The following CACHD1 variants were observed in gnomAD, a reference collection of about 807,000 sequenced individuals.
The protein encoded by CACHD1 is VWFA and cache domain-containing protein 1.
In CACHD1, 71 loss-of-function variants were observed where a neutral mutation model predicts 138.7. That is an observed-to-expected ratio of 0.51 (90% CI 0.42 to 0.62). The LOEUF is 0.62. Among genes scored for constraint, CACHD1 ranks in the 20% least tolerant of loss-of-function variants. The probability of loss-of-function intolerance (pLI) is 0.00; values close to 1 mark genes in which losing one functional copy is unlikely to be tolerated. For synonymous variants in CACHD1, 578 were observed against 591.5 expected, an observed-to-expected ratio of 0.98 and a Z score of 0.33; for missense variants, 1,389 against 1,625.3, an observed-to-expected ratio of 0.85 and a Z score of 2.50.
intron 2 of CACHD1, among the ~76,000 whole-genome samples, chr1:64,579,398 G>A (rs1315454002): frequency 6.6e-6 from 1 of 152,140 alleles, no homozygotes; most frequent in Non-Finnish European, 1.5e-5. Flanking sequence ...GAGTGTGTGT[G>A]TGAGAGAGAA....
At chr1:64,487,760 G>C (rs947564318) in intron 1 of CACHD1, among the ~76,000 whole-genome samples, 6 of 152,162 alleles carry the variant, frequency 3.9e-5, no homozygotes, top group African/African-American at 9.7e-5. Flanking sequence ...TAATTCATTT[G>C]GTTAGTAGAA....
intron 1 of CACHD1, among the ~76,000 whole-genome samples, chr1:64,475,171 CTTTTTTTTT>C (rs3078373): frequency 3.2e-5 from 4 of 124,286 alleles, no homozygotes; most frequent in African/African-American, 5.7e-5. Flanking sequence ...AAATTCCTTC[CTTTTTTTTT>C]TTTTTTTTTT....
intron 8 of CACHD1, among the ~76,000 whole-genome samples, chr1:64,643,036 T>TAAAAAAAAAAAAAAA (rs139320316): frequency 3.0e-5 from 1 of 33,356 alleles, no homozygotes; most frequent in African/African-American, 8.1e-5. Flanking sequence ...AGACTCTGTC[T>TAAAAAAAAAAAAAAA]AAAAAAAAAA....
At chr1:64,606,398 T>G (rs1479495161) in intron 4 of CACHD1, among the ~76,000 whole-genome samples, 1 of 152,008 alleles carries the variant, frequency 6.6e-6, no homozygotes, top group South Asian at 2.1e-4. Context: ...TGAGTGACTG[T>G]TTGGTGTGCT....
intron 1 of CACHD1, among the ~76,000 whole-genome samples, chr1:64,508,894 C>G (rs1646397443): frequency 6.6e-6 from 1 of 152,150 alleles, no homozygotes; most frequent in East Asian, 1.9e-4. Context: ...CCAGGGCTCC[C>G]AGGCATTTTC....
intron 2 of CACHD1, among the ~76,000 whole-genome samples, chr1:64,569,218 G>A (rs1313764361): frequency 2.0e-5 from 3 of 152,072 alleles, no homozygotes; most frequent in Non-Finnish European, 4.4e-5. Context: ...ACCACGCCCA[G>A]CCTTATGCAC....
chr1:64,665,090 T>A (rs1475141175), intron 15 of CACHD1, among the ~76,000 whole-genome samples: 3 of 152,172 alleles, frequency 2.0e-5, no homozygotes, highest in Non-Finnish European at 2.9e-5. Flanking sequence ...GCTTTTTTTT[T>A]ACTTTAATTT....
chr1:64,542,863 G>A (rs1294271598), intron 1 of CACHD1, among the ~76,000 whole-genome samples: 9 of 152,058 alleles, frequency 5.9e-5, no homozygotes, highest in African/African-American at 1.7e-4. Context: ...TGTAAAATGA[G>A]GATGTAGTTA....
chr1:64,493,990 A>T (rs1388469766), intron 1 of CACHD1, among the ~76,000 whole-genome samples: 1 of 152,230 alleles, frequency 6.6e-6, no homozygotes, highest in Non-Finnish European at 1.5e-5. Context: ...ACCGAATGGC[A>T]GAGCTGGGAA....
intron 2 of CACHD1, 68 bp from the exon 3 acceptor site, chr1:64,582,088 A>C: frequency 6.5e-7 from 1 of 1,541,166 alleles, no homozygotes; most frequent in Non-Finnish European, 8.9e-7. Context: ...TTACTAGTTT[A>C]TTAGAAAAAA....
In CACHD1 at chr1:64,573,656, G is replaced by C. The variant is rs530993649; in HGVS notation, c.262-8500G>C. On this transcript the variant is annotated intron_variant, in intron 2 of 26. Coordinates refer to ENST00000651257, the MANE Select transcript of CACHD1 (RefSeq NM_020925.4). The stretch of plus-strand genomic sequence containing the variant: ...TATGGCAAATAATGGTATATTGTGT[G>C]GGGGCATGTGACATTAACATCTTTA... Among the ~76,000 whole-genome samples the C allele has an allele frequency of 3.1e-4, 47 of 152,288 alleles. 1 individual carries two copies. In the South Asian group the frequency reaches 9.5e-3, roughly 31 times the overall value.
At chr1:64,482,656 G>A (rs537785785) in intron 1 of CACHD1, among the ~76,000 whole-genome samples, 13 of 152,250 alleles carry the variant, frequency 8.5e-5, no homozygotes, top group Non-Finnish European at 1.6e-4. Flanking sequence ...TTATGAAAAG[G>A]GGAAATTTGC....
intron 2 of CACHD1, among the ~76,000 whole-genome samples, chr1:64,575,838 C>G (rs1036531996): frequency 3.3e-5 from 5 of 152,152 alleles, no homozygotes; most frequent in Admixed American, 6.5e-5. Context: ...GTGCCCACCC[C>G]ACCCCCAATC....
At position 64,675,897 on chromosome 1, in the gene CACHD1, A is replaced by G; in HGVS notation, c.2889A>G (p.Arg963=). Reference sequence around the variant, plus strand: ...TAGTAACTTTCTTTTTGCTTTTCAGAATGGAACAAAATGAATGTGAATGTC... The same window carrying G: ...TAGTAACTTTCTTTTTGCTTTTCAGGATGGAACAAAATGAATGTGAATGTC... ...MVDRLCLNCH[R]MEQNECECPC... is the part of the protein sequence containing the mutation. Residue 963 remains arginine (R), a splice_region_variant and synonymous_variant, in exon 21 of 27, where the codon CGA becomes CGG. Transcript: ENST00000651257. 1.3e-6 allele frequency: 2 copies of G among 1,533,110 alleles called. No individual in the cohort carries two copies. Among genetic ancestry groups the G allele is most frequent in the Admixed American group, 2.0e-5 (1 of 49,492 alleles). The allele number at this position is 1,533,110 out of a possible 1,614,324, so 95.0% of individuals were successfully genotyped here. A position where few individuals can be genotyped will look rare whatever the true frequency, so the allele number is the denominator to read the frequency against.
chr1:64,687,191 C>T (rs1182592133), intron 26 of CACHD1, among the ~76,000 whole-genome samples: 1 of 152,154 alleles, frequency 6.6e-6, no homozygotes, highest in Non-Finnish European at 1.5e-5. Flanking sequence ...TCAAATAGTG[C>T]GTCTTCCTCC....
At chr1:64,680,640 T>C (rs2100736019) in intron 24 of CACHD1, among the ~76,000 whole-genome samples, 1 of 152,262 alleles carries the variant, frequency 6.6e-6, no homozygotes, top group African/African-American at 2.4e-5. Flanking sequence ...CCATCCTTCC[T>C]AAAACCCCAG....
intron 1 of CACHD1, among the ~76,000 whole-genome samples, chr1:64,482,225 TA>T (rs1343128514): frequency 6.6e-6 from 1 of 152,220 alleles, no homozygotes; most frequent in East Asian, 1.9e-4. Context: ...TATCATTTGC[TA>T]ACTCACATGA....
Position 64,608,998 on chromosome 1 carries a change from A to G in CACHD1, c.517+6086A>G, listed in dbSNP as rs1265959879. 2.6e-5 allele frequency among the ~76,000 whole-genome samples: 4 copies of G among 152,168 alleles called. No homozygotes were observed. In the East Asian group the frequency reaches 5.8e-4, roughly 22 times the overall value. ...AGTCGCAAACTTCGATCTTGGTAACATTGCAGTCTTCATTGAGAAACGGGA... is the reference window on the plus strand; with the variant it reads ...AGTCGCAAACTTCGATCTTGGTAACGTTGCAGTCTTCATTGAGAAACGGGA... On this transcript the variant is annotated intron_variant, in intron 4 of 26. Coordinates refer to ENST00000651257, the MANE Select transcript of CACHD1 (RefSeq NM_020925.4).
intron 26 of CACHD1, among the ~76,000 whole-genome samples, chr1:64,687,009 A>T (rs1490601563): frequency 2.0e-5 from 3 of 152,230 alleles, no homozygotes; most frequent in Non-Finnish European, 4.4e-5. Flanking sequence ...TAAATATATA[A>T]GCAGACTGTC....
Sources: gnomAD v4.1 joint callset for allele counts (sites outside exome capture counted in the v4.1 genomes callset) on GRCh38, gnomAD v4.1.1 for gene constraint, MANE v1.5 for transcripts, NCBI Gene and HGNC (gene_info 2026-07-23, HGNC 2026-07-21) for gene names.